The following ACOXL variants were observed in gnomAD, a reference collection of about 807,000 sequenced individuals.
ACOXL encodes the protein acyl-CoA oxidase like, also known as acyl-coenzyme A oxidase-like protein.
In ACOXL, 70 loss-of-function variants were observed where a neutral mutation model predicts 71.9. The observed-to-expected ratio is 0.97, with a 90% CI of 0.80 to 1.19. The LOEUF (loss-of-function observed/expected upper bound fraction) is 1.19. Among genes scored for constraint, ACOXL ranks in the 50% most tolerant of loss-of-function variants. The pLI is 0.00. For synonymous variants in ACOXL, 253 were observed against 281.6 expected, an observed-to-expected ratio of 0.90 and a Z score of 1.02; for missense variants, 703 against 736.3, an observed-to-expected ratio of 0.95 and a Z score of 0.52.
chr2:110,968,012 T>C, intron 12 of ACOXL: 2 of 996,156 alleles, frequency 2.0e-6, no homozygotes, highest in East Asian at 2.4e-5. Context: ...AACAGAGATA[T>C]CATTAGTCAG....
At chr2:110,736,631 T>C (rs1338092246) in intron 1 of ACOXL, among the ~76,000 whole-genome samples, 1 of 151,314 alleles carries the variant, frequency 6.6e-6, no homozygotes, top group African/African-American at 2.4e-5. Flanking sequence ...TTTTTTTTTT[T>C]TTTTTTGAGA....
chr2:110,885,640 C>T (rs961940979), intron 10 of ACOXL, among the ~76,000 whole-genome samples: 5 of 152,108 alleles, frequency 3.3e-5, no homozygotes, highest in African/African-American at 1.2e-4. Context: ...ACAACATTAG[C>T]TTTGTGTGTA....
intron 9 of ACOXL, among the ~76,000 whole-genome samples, chr2:110,816,864 G>A (rs937087427): frequency 1.3e-5 from 2 of 152,196 alleles, no homozygotes; most frequent in East Asian, 1.9e-4. Flanking sequence ...GTCACCTCTG[G>A]ACTCAGCACA....
intron 12 of ACOXL, among the ~76,000 whole-genome samples, chr2:110,953,768 A>G (rs1409809081): frequency 6.6e-6 from 1 of 152,232 alleles, no homozygotes; most frequent in Non-Finnish European, 1.5e-5. Context: ...GGAAACTTAC[A>G]ATCATGGCAG....
chr2:110,974,568 C>T (rs2062359806), intron 12 of ACOXL, among the ~76,000 whole-genome samples: 1 of 152,202 alleles, frequency 6.6e-6, no homozygotes. Context: ...TCCATTATGG[C>T]AGATTCCCTA....
intron 9 of ACOXL, among the ~76,000 whole-genome samples, chr2:110,827,273 A>G (rs1027351262): frequency 6.6e-5 from 10 of 152,290 alleles, no homozygotes; most frequent in Admixed American, 2.6e-4. Flanking sequence ...AGAGGGACGG[A>G]TAAAAGCCAG....
intron 12 of ACOXL, among the ~76,000 whole-genome samples, chr2:110,961,837 G>T (rs1223573869): frequency 6.6e-6 from 1 of 152,136 alleles, no homozygotes; most frequent in African/African-American, 2.4e-5. Flanking sequence ...ACGTGCAGGG[G>T]AACTACCCTT....
intron 12 of ACOXL, among the ~76,000 whole-genome samples, chr2:110,949,564 C>T (rs1000714201): frequency 7.2e-5 from 11 of 152,074 alleles, no homozygotes; most frequent in Admixed American, 2.0e-4. Flanking sequence ...CAAAGACAGA[C>T]GATAAAAATC....
intron 10 of ACOXL, among the ~76,000 whole-genome samples, chr2:110,889,028 C>G (rs1697643169): frequency 6.6e-6 from 1 of 152,184 alleles, no homozygotes; most frequent in African/African-American, 2.4e-5. Flanking sequence ...ATAACACAGC[C>G]AAATTTAGAA....
intron 15 of ACOXL, among the ~76,000 whole-genome samples, chr2:111,031,935 A>G (rs1553461390): frequency 6.6e-6 from 1 of 152,224 alleles, no homozygotes; most frequent in Non-Finnish European, 1.5e-5. Context: ...ACAAAGCCTG[A>G]TGCTAAACCA....
chr2:110,734,365 G>T (rs1044954785), intron 1 of ACOXL, among the ~76,000 whole-genome samples: 3 of 151,912 alleles, frequency 2.0e-5, no homozygotes, highest in Admixed American at 6.6e-5. Flanking sequence ...CACCTCCTGG[G>T]TTCAAGCGAT....
In ACOXL at chr2:110,799,020, A is replaced by T. The variant is rs933453806; in HGVS notation, c.467A>T (p.His156Leu). 64 of 1,613,840 alleles carry T rather than the reference A, an allele frequency of 4.0e-5. No homozygotes were observed. Among genetic ancestry groups the T allele is most frequent in the Non-Finnish European group, 5.0e-5 (59 of 1,179,926 alleles). Residue 156 changes from histidine (H) to leucine (L), a missense_variant, in exon 7 of 18, where the codon CAC becomes CTC. His to Leu is a moderately conservative substitution (Grantham distance 99, BLOSUM62 -3). Transcript: ENST00000439055. ...ATCTCGATGCCTTCCTTAGGGCCCC[A>T]CTGTTTCATCGTTCCTGTCCGGGAT... ...LIIDGRSQGP[H>L]CFIVPVRDEN...
At chr2:110,839,588 CG>C (rs1339196161) in intron 9 of ACOXL, among the ~76,000 whole-genome samples, 3 of 152,026 alleles carry the variant, frequency 2.0e-5, no homozygotes, top group Non-Finnish European at 4.4e-5. Context: ...TTTTTGCAAA[CG>C]TAAGTCTCTG....
intron 1 of ACOXL, among the ~76,000 whole-genome samples, chr2:110,741,677 C>A (rs935210566): frequency 6.6e-6 from 1 of 152,154 alleles, no homozygotes; most frequent in Non-Finnish European, 1.5e-5. Context: ...TGGTTGTCAT[C>A]GAGTAACATC....
chr2:110,886,044 G>T (rs1697244508), intron 10 of ACOXL, among the ~76,000 whole-genome samples: 1 of 151,884 alleles, frequency 6.6e-6, no homozygotes, highest in Admixed American at 6.6e-5. Context: ...AAATTATTTT[G>T]TCCAGAAGTA....
intron 10 of ACOXL, among the ~76,000 whole-genome samples, chr2:110,856,152 C>T (rs1189836203): frequency 6.6e-6 from 1 of 152,148 alleles, no homozygotes; most frequent in Non-Finnish European, 1.5e-5. Flanking sequence ...ACAATCCGAG[C>T]TACAGAATGC....
intron 3 of ACOXL, among the ~76,000 whole-genome samples, chr2:110,791,234 G>A (rs1684611417): frequency 6.6e-6 from 1 of 152,264 alleles, no homozygotes; most frequent in Non-Finnish European, 1.5e-5. Context: ...TCTGTCAACT[G>A]CTGCAGTTTC....
intron 3 of ACOXL, among the ~76,000 whole-genome samples, chr2:110,786,633 G>C (rs1683994654): frequency 6.6e-6 from 1 of 152,198 alleles, no homozygotes. Flanking sequence ...GTGACCATGA[G>C]GACAGCTCCA....
chr2:110,963,583 G>A (rs1239587617), intron 12 of ACOXL: 2 of 1,199,680 alleles, frequency 1.7e-6, no homozygotes, highest in Non-Finnish European at 2.3e-6. Flanking sequence ...GTGTGTGTGT[G>A]TGTGTGTGTG....
Sources: gnomAD v4.1 joint callset for allele counts (sites outside exome capture counted in the v4.1 genomes callset) on GRCh38, gnomAD v4.1.1 for gene constraint, MANE v1.5 for transcripts, NCBI Gene and HGNC (gene_info 2026-07-23, HGNC 2026-07-21) for gene names.